The following TTC7A variants were observed in gnomAD, a reference collection of about 807,000 sequenced individuals.
The protein encoded by TTC7A is tetratricopeptide repeat domain 7A.
A neutral mutation model predicts 103.7 loss-of-function variants in TTC7A; 110 were observed. That is an observed-to-expected ratio of 1.06 (90% CI 0.91 to 1.24). The LOEUF is 1.24. Among genes scored for constraint, TTC7A ranks in the 50% most tolerant of loss-of-function variants. TTC7A has a pLI of 0.00. For synonymous variants in TTC7A, 521 were observed against 467.9 expected (o/e 1.11, Z -1.47); for missense variants, 1,340 against 1,116.3 (o/e 1.20, Z -2.86).
At chr2:46,915,921 G>A (rs1388236660), upstream of TTC7A, 2 of 985,030 alleles carry the variant, frequency 2.0e-6, no homozygotes, top group Admixed American at 1.2e-4. Flanking sequence ...GACGGCTCGC[G>A]TGAGTCCACG....
At chr2:46,916,098 T>C (rs963939970), upstream of TTC7A, 21 of 985,406 alleles carry the variant, frequency 2.1e-5, no homozygotes, top group Non-Finnish European at 2.4e-5. Flanking sequence ...ACGGGCGACG[T>C]AGGATGGCGG....
At chr2:46,978,696 TG>T in intron 4 of TTC7A, 95 bp from the exon 5 acceptor site, 1 of 867,608 alleles carries the variant, frequency 1.2e-6, no homozygotes, top group Non-Finnish European at 1.9e-6. Context: ...CCTGAACAAC[TG>T]GGACTGGGAT....
At chr2:46,964,453 A>C (rs1672664353) in intron 3 of TTC7A, among the ~76,000 whole-genome samples, 1 of 152,084 alleles carries the variant, frequency 6.6e-6, no homozygotes, top group Non-Finnish European at 1.5e-5. Context: ...GTCTCTCTTC[A>C]CTGGGGTTTC....
intron 12 of TTC7A, among the ~76,000 whole-genome samples, chr2:47,022,988 C>T (rs1380852258): frequency 6.6e-6 from 1 of 152,218 alleles, no homozygotes; most frequent in Non-Finnish European, 1.5e-5. Context: ...AGAACACCTG[C>T]CCTGCTGCAT....
At chr2:46,999,569 C>G in intron 8 of TTC7A, 1 of 985,420 alleles carries the variant, frequency 1.0e-6, no homozygotes, top group South Asian at 4.7e-5. Context: ...CAAATGGACT[C>G]CCATCTACTG....
At chr2:47,048,677 A>C (rs1573025018) in intron 16 of TTC7A, among the ~76,000 whole-genome samples, 1 of 152,068 alleles carries the variant, frequency 6.6e-6, no homozygotes, top group South Asian at 2.1e-4. Context: ...ATCACAGCTC[A>C]CTGCAGCCTC....
intron 10 of TTC7A, among the ~76,000 whole-genome samples, chr2:47,008,481 C>T (rs759072214): frequency 3.9e-5 from 6 of 152,332 alleles, no homozygotes; most frequent in Non-Finnish European, 7.4e-5. Context: ...GCTGGTTTCG[C>T]GACTTGGCTC....
chr2:46,939,861 G>C (rs1670186169), upstream of TTC7A, among the ~76,000 whole-genome samples: 1 of 152,224 alleles, frequency 6.6e-6, no homozygotes, highest in South Asian at 2.1e-4. Flanking sequence ...TTTACAGACT[G>C]CTTGACTAAA....
At chr2:46,974,870 G>C in intron 3 of TTC7A, 103 bp from the exon 4 acceptor site, 1 of 1,496,506 alleles carries the variant, frequency 6.7e-7, no homozygotes, top group Non-Finnish European at 9.1e-7. Context: ...GGCTGCACCA[G>C]AGTGTCTGCC....
intron 2 of TTC7A, among the ~76,000 whole-genome samples, chr2:46,930,435 G>GAAAAA (rs56691862): frequency 8.3e-6 from 1 of 120,344 alleles, no homozygotes; most frequent in Non-Finnish European, 1.8e-5. Context: ...GTATTCCTAG[G>GAAAAA]AAAAAAAAAA....
chr2:47,021,548 G>C (rs1679271236), intron 11 of TTC7A, among the ~76,000 whole-genome samples: 1 of 152,226 alleles, frequency 6.6e-6, no homozygotes, highest in African/African-American at 2.4e-5. Flanking sequence ...CTGAGGCCCA[G>C]CCAGAGACCC....
chr2:47,066,340 C>T (rs947918027), intron 19 of TTC7A, among the ~76,000 whole-genome samples: 2 of 152,100 alleles, frequency 1.3e-5, no homozygotes, highest in Non-Finnish European at 1.5e-5. Context: ...TGAGGGGGCA[C>T]ATCTTAAATC....
Position 47,046,306 on chromosome 2 carries a change from T to C in TTC7A, c.1803-9T>C. ...GGGGTGTGCTGATGGCCACTCTCCG[T>C]CCCCACAGCCTGATGTTCACCAAGG... On this transcript the variant is annotated splice_polypyrimidine_tract_variant and intron_variant, in intron 15 of 19. Transcript: ENST00000319190. 6.2e-7 allele frequency: 1 copy of C among 1,611,864 alleles called. No homozygotes were observed. Among genetic ancestry groups the C allele is most frequent in the Non-Finnish European group, 8.5e-7 (1 of 1,178,462 alleles).
intron 18 of TTC7A, among the ~76,000 whole-genome samples, chr2:47,053,582 G>GGTTGGTTT (rs1553410743): frequency 1.3e-5 from 2 of 149,972 alleles, no homozygotes; most frequent in Non-Finnish European, 3.0e-5. Flanking sequence ...TTGGTTGGTT[G>GGTTGGTTT]GTTTTTTGAG....
chr2:47,068,947 C>G (rs1684426415), intron 19 of TTC7A, among the ~76,000 whole-genome samples: 1 of 152,034 alleles, frequency 6.6e-6, no homozygotes, highest in East Asian at 1.9e-4. Flanking sequence ...TGTCCAGCAG[C>G]CCCCTCCCCA....
intron 19 of TTC7A, among the ~76,000 whole-genome samples, chr2:47,064,278 A>G (rs573784326): frequency 2.6e-5 from 4 of 152,324 alleles, no homozygotes; most frequent in Admixed American, 2.6e-4. Context: ...AAAGAAAAAG[A>G]AGTGTGCTCT....
At chr2:47,029,508 C>A in intron 15 of TTC7A, 124 bp downstream of exon 15, 1 of 1,104,052 alleles carries the variant, frequency 9.1e-7, no homozygotes, top group Non-Finnish European at 1.3e-6. Context: ...GCTGCATGCA[C>A]AATCCCTGGT....
rs572530197 is a variant in TTC7A at position 46,941,839 on chromosome 2, G to A, written c.184+114G>A. The A allele has an allele frequency of 2.3e-4, 312 of 1,372,178 alleles. 2 individuals are homozygous for A. In the South Asian group the frequency reaches 3.8e-3, roughly 17 times the overall value. The allele number at this position is 1,372,178 out of a possible 1,614,324, so 85.0% of individuals were successfully genotyped here. Reference sequence around the variant, plus strand: ...GACAGCGGGCGCCTGCCAGCCCACCGTGCTAGTCTTAAGAGCAGCCAGGGC... The same window carrying A: ...GACAGCGGGCGCCTGCCAGCCCACCATGCTAGTCTTAAGAGCAGCCAGGGC... On this transcript the variant is annotated intron_variant, in intron 1 of 19. Transcript: ENST00000319190. This position sits in a 1 kb window ranked among gnomAD's most constrained non-coding sequence, Gnocchi z 4.2.
intron 3 of TTC7A, among the ~76,000 whole-genome samples, chr2:46,969,095 C>A (rs556417163): frequency 3.0e-4 from 46 of 151,768 alleles, no homozygotes; most frequent in Non-Finnish European, 5.2e-4. Flanking sequence ...GATTAATTTG[C>A]TTTTTTGAAT....
Sources: gnomAD v4.1 joint callset for allele counts (sites outside exome capture counted in the v4.1 genomes callset) on GRCh38, gnomAD v4.1.1 for gene constraint, Gnocchi (gnomAD v3.1) non-coding constraint, MANE v1.5 for transcripts, NCBI Gene and HGNC (gene_info 2026-07-23, HGNC 2026-07-21) for gene names.